Variants in GFPT1 observed in about 807,000 individuals in gnomAD.
The protein encoded by GFPT1 is glutamine--fructose-6-phosphate transaminase 1, also known as glutamine--fructose-6-phosphate aminotransferase [isomerizing] 1.
Under a neutral mutation model 92.0 loss-of-function variants are expected in GFPT1, and 40 were observed. The observed-to-expected ratio is 0.43, with a 90% CI of 0.34 to 0.57. GFPT1 has a LOEUF of 0.57. GFPT1 is among the 20% of genes least tolerant of loss of function. The probability of loss-of-function intolerance (pLI) is 0.02; values close to 1 mark genes in which losing one functional copy is unlikely to be tolerated. For missense variants in GFPT1, 448 were observed against 869.1 expected (o/e 0.52, Z 6.09); for synonymous variants, 269 against 280.6 (o/e 0.96, Z 0.41).
intron 4 of GFPT1, 105 bp downstream of exon 4, chr2:69,363,440 T>A: frequency 8.2e-7 from 1 of 1,223,174 alleles, no homozygotes; most frequent in Non-Finnish European, 1.2e-6. Context: ...GTTTGAAATT[T>A]TCCAGATGAA....
At chr2:69,342,460 T>C (rs749699283) in intron 12 of GFPT1, among the ~76,000 whole-genome samples, 7 of 152,244 alleles carry the variant, frequency 4.6e-5, no homozygotes, top group Non-Finnish European at 7.3e-5. Flanking sequence ...GTAACTGACC[T>C]TACTCACCTC....
At chr2:69,364,749 C>T (rs1179131296) in intron 3 of GFPT1, among the ~76,000 whole-genome samples, 3 of 152,226 alleles carry the variant, frequency 2.0e-5, no homozygotes, top group Admixed American at 6.5e-5. Flanking sequence ...GTAATCCCAG[C>T]ACTTCGGGAG....
At chr2:69,347,221 T>C (rs1671104826) in intron 11 of GFPT1, among the ~76,000 whole-genome samples, 1 of 151,646 alleles carries the variant, frequency 6.6e-6, no homozygotes, top group Admixed American at 6.6e-5. Context: ...TTTTTTTTTT[T>C]TTAGTTTGTA....
chr2:69,368,502 C>T (rs1466914236), intron 3 of GFPT1, among the ~76,000 whole-genome samples: 2 of 151,244 alleles, frequency 1.3e-5, no homozygotes, highest in South Asian at 2.1e-4. Context: ...CCGAGGCAGG[C>T]GAATCACTTG....
chr2:69,328,142 T>C, intron 18 of GFPT1, 129 bp downstream of exon 18: 2 of 742,448 alleles, frequency 2.7e-6, no homozygotes, highest in Non-Finnish European at 4.8e-6. Flanking sequence ...TCCTCACATG[T>C]AAACCTCAAA....
chr2:69,367,150 C>T (rs919874008), intron 3 of GFPT1, among the ~76,000 whole-genome samples: 1 of 152,182 alleles, frequency 6.6e-6, no homozygotes, highest in African/African-American at 2.4e-5. Context: ...CAAGTTGACA[C>T]AGTCTTACTA....
intron 15 of GFPT1, among the ~76,000 whole-genome samples, chr2:69,337,490 G>A (rs1440798693): frequency 6.6e-6 from 1 of 152,120 alleles, no homozygotes; most frequent in Non-Finnish European, 1.5e-5. Context: ...GGTTAAAGTG[G>A]ATGTTTCTAA....
At chr2:69,327,318 C>A (rs921334000) in intron 18 of GFPT1, among the ~76,000 whole-genome samples, 2 of 152,156 alleles carry the variant, frequency 1.3e-5, no homozygotes, top group African/African-American at 4.8e-5. Context: ...TACTTGACTG[C>A]AGGTTTGCCT....
rs963916360 is a variant in GFPT1 at position 69,382,213 on chromosome 2, CTT to C, written c.7+4850_7+4851del. ...TCTCCAACTTTGTAAATACAGAACT[CTT>C]TTGTTAACATCAAAATATTCTGAGG... is the stretch of plus-strand genomic sequence containing the variant. On this transcript the variant is annotated intron_variant, in intron 1 of 19. Coordinates refer to ENST00000357308, the MANE Select transcript of GFPT1 (RefSeq NM_001244710.2). 1.1e-4 allele frequency among the ~76,000 whole-genome samples: 16 copies of C among 152,180 alleles called. 1 individual carries two copies. The highest frequency in any genetic ancestry group is 8.5e-4 in the Admixed American group (13 of 15,268).
At chr2:69,334,565 TA>T in intron 15 of GFPT1, 1 of 152,242 alleles carries the variant, frequency 6.6e-6, no homozygotes, top group East Asian at 1.9e-4. Flanking sequence ...ATGATACAAA[TA>T]ACAACATGAA....
intron 9 of GFPT1, among the ~76,000 whole-genome samples, chr2:69,353,972 T>C (rs1038014111): frequency 1.3e-5 from 2 of 152,244 alleles, no homozygotes; most frequent in South Asian, 4.1e-4. Context: ...AATCTAAGCA[T>C]ACATCCTACA....
Position 69,329,698 on chromosome 2 carries a change from A to T in GFPT1, c.1583T>A (p.Leu528Ter), listed in dbSNP as rs1204829013. The part of the protein sequence containing the change: ...QERRKEIMLG[L>*]KRLPDLIKEV... ...TGTCTTTGTACCAGGCAGCCGTTTC[A>T]ATCCAAGCATGATCTCTTTGCGTCT... is the stretch of plus-strand genomic sequence containing the variant. The change falls in exon 16 of 20, where the codon TTG becomes TAG. Residue 528 changes from leucine to a stop codon, truncating the protein, a stop_gained. Transcript: ENST00000357308. LOFTEE classifies it high-confidence loss of function. 6.2e-7 allele frequency: 1 copy of T among 1,609,050 alleles called. No homozygotes were observed. The highest frequency in any genetic ancestry group is 8.5e-7 in the Non-Finnish European group (1 of 1,175,442).
chr2:69,354,666 C>T (rs2104648307), intron 7 of GFPT1, 98 bp from the exon 8 acceptor site: 1 of 765,110 alleles, frequency 1.3e-6, no homozygotes, highest in African/African-American at 1.7e-5. Flanking sequence ...ATGTTTAAAT[C>T]ATCCTCCCCA....
At chr2:69,371,484 G>C (rs1671746944) in intron 2 of GFPT1, 1 of 151,888 alleles carries the variant, frequency 6.6e-6, no homozygotes. Flanking sequence ...TGGATTAAAA[G>C]AAATACATCT....
intron 4 of GFPT1, among the ~76,000 whole-genome samples, chr2:69,363,220 C>A (rs1225825884): frequency 6.6e-6 from 1 of 152,222 alleles, no homozygotes; most frequent in Admixed American, 6.5e-5. Context: ...CCTCCCACCT[C>A]AGTCTCCCGA....
chr2:69,343,435 G>C (rs1197359429), intron 12 of GFPT1, among the ~76,000 whole-genome samples: 3 of 149,390 alleles, frequency 2.0e-5, no homozygotes, highest in African/African-American at 7.5e-5. Context: ...TTTTGAGACA[G>C]AGTCTTGCTC....
In GFPT1 at chr2:69,387,156, C is replaced by G; in HGVS notation, c.-85G>C. 6.9e-7 allele frequency: 1 copy of G among 1,442,112 alleles called. No homozygotes were observed. The highest frequency in any genetic ancestry group is 9.2e-7 in the Non-Finnish European group (1 of 1,090,124). The allele number at this position is 1,442,112 out of a possible 1,614,324, so 89.3% of individuals were successfully genotyped here. The stretch of plus-strand genomic sequence containing the variant: ...CACACGAGCTTCGGTGGGCAATCTG[C>G]GGGCTCGGGGGCCGGGGTGGCGCCG... On this transcript the variant is annotated 5_prime_UTR_variant, in exon 1 of 20. Transcript: ENST00000357308.
intron 1 of GFPT1, among the ~76,000 whole-genome samples, chr2:69,374,841 AT>A (rs1671834861): frequency 6.6e-6 from 1 of 152,248 alleles, no homozygotes; most frequent in Non-Finnish European, 1.5e-5. Context: ...TATCAGTGAC[AT>A]TTAGGAATAA....
chr2:69,377,172 C>T (rs1671891594), intron 1 of GFPT1, among the ~76,000 whole-genome samples: 1 of 130,322 alleles, frequency 7.7e-6, no homozygotes, highest in African/African-American at 3.1e-5. Context: ...CGTGCCACTG[C>T]ACTCTAGCCT....
Sources: gnomAD v4.1 joint callset for allele counts (sites outside exome capture counted in the v4.1 genomes callset) on GRCh38, gnomAD v4.1.1 for gene constraint, MANE v1.5 for transcripts, NCBI Gene and HGNC (gene_info 2026-07-23, HGNC 2026-07-21) for gene names.